The following MEIS2 variants were observed in gnomAD, a reference collection of about 807,000 sequenced individuals.
MEIS2 encodes homeobox protein Meis2.
In MEIS2, 9 loss-of-function variants were observed where a neutral mutation model predicts 58.6. The ratio of observed to expected loss-of-function variants is 0.15; its 90% CI spans 0.09 to 0.27. The LOEUF is 0.27. Among genes scored for constraint, MEIS2 ranks in the 10% least tolerant of loss-of-function variants. The pLI is 1.00. For missense variants in MEIS2, 427 were observed against 635.0 expected, an observed-to-expected ratio of 0.67 and a Z score of 3.52; for synonymous variants, 221 against 228.4, an observed-to-expected ratio of 0.97 and a Z score of 0.29.
intron 1 of MEIS2, chr15:37,098,553 GA>G: frequency 2.6e-6 from 1 of 381,614 alleles, no homozygotes; most frequent in African/African-American, 2.1e-5. Flanking sequence ...ATTTAAAAAT[GA>G]AAAAGCATGA....
chr15:36,897,073 T>A (rs1286156308), intron 9 of MEIS2: 1 of 190,756 alleles, frequency 5.2e-6, no homozygotes, highest in Non-Finnish European at 1.1e-5. Context: ...CAGCTGGTCA[T>A]AAATGGAGAC....
intron 7 of MEIS2, among the ~76,000 whole-genome samples, chr15:37,082,403 A>G (rs933343814): frequency 3.3e-5 from 5 of 151,916 alleles, no homozygotes; most frequent in African/African-American, 7.3e-5. Context: ...TGTCGCCGCA[A>G]TTTGGGGTGG....
intron 7 of MEIS2, among the ~76,000 whole-genome samples, chr15:37,072,055 C>G (rs999550418): frequency 6.6e-6 from 1 of 152,072 alleles, no homozygotes; most frequent in Admixed American, 6.6e-5. Context: ...CATGTAATGT[C>G]AGTCCTCTCC....
chr15:36,980,822 GTGCCTATAC>G lies in MEIS2; in HGVS notation c.901-30431_901-30423del, dbSNP rs577818820. Among the ~76,000 whole-genome samples the G allele has an allele frequency of 1.8e-4, 27 of 152,082 alleles. No homozygotes were observed. In the East Asian group the frequency reaches 5.0e-3, roughly 28 times the overall value. On this transcript the variant is annotated intron_variant, in intron 8 of 11. Transcript: ENST00000561208. ...ATTAATTTTATGTAAATTTTGGTATGTGCCTATACTGTCTCTTCTGTTCCACTGACAGGC... is the reference window on the plus strand; with the variant it reads ...ATTAATTTTATGTAAATTTTGGTATGTGTCTCTTCTGTTCCACTGACAGGC...
intron 9 of MEIS2, among the ~76,000 whole-genome samples, chr15:36,913,300 TA>T (rs1368432718): frequency 2.6e-5 from 4 of 152,202 alleles, no homozygotes; most frequent in Non-Finnish European, 5.9e-5. Context: ...TTTAAAAAAT[TA>T]AAAGTGAAAT....
intron 6 of MEIS2, among the ~76,000 whole-genome samples, chr15:37,088,508 C>A (rs1893156840): frequency 6.6e-6 from 1 of 152,138 alleles, no homozygotes; most frequent in Non-Finnish European, 1.5e-5. Context: ...GTACTGAAGT[C>A]TACAAAAGTT....
chr15:36,911,607 C>A (rs950687009), intron 9 of MEIS2, among the ~76,000 whole-genome samples: 2 of 152,176 alleles, frequency 1.3e-5, no homozygotes, highest in Admixed American at 1.3e-4. Flanking sequence ...AGTACAAAAT[C>A]AGCTTTTACT....
At chr15:36,933,607 G>A (rs2058059920) in intron 9 of MEIS2, among the ~76,000 whole-genome samples, 1 of 151,676 alleles carries the variant, frequency 6.6e-6, no homozygotes, top group South Asian at 2.1e-4. Context: ...TGTGTGGTGG[G>A]GGTGGGCGGG....
intron 9 of MEIS2, among the ~76,000 whole-genome samples, chr15:36,910,057 A>G (rs1467069317): frequency 6.6e-6 from 1 of 151,966 alleles, no homozygotes; most frequent in Non-Finnish European, 1.5e-5. Flanking sequence ...TTAAGAAATT[A>G]GTCAGGCATG....
intron 7 of MEIS2, among the ~76,000 whole-genome samples, chr15:37,040,014 T>C (rs978274301): frequency 1.3e-5 from 2 of 151,784 alleles, no homozygotes; most frequent in Non-Finnish European, 2.9e-5. Flanking sequence ...TTGCAGCTGA[T>C]GCTAGAGTTA....
intron 7 of MEIS2, among the ~76,000 whole-genome samples, chr15:37,080,940 A>G (rs965539692): frequency 6.6e-6 from 1 of 152,190 alleles, no homozygotes; most frequent in Admixed American, 6.5e-5. Context: ...CTGAAACACT[A>G]TGGAGGAAAA....
chr15:36,983,458 T>C (rs1001656922), intron 8 of MEIS2, among the ~76,000 whole-genome samples: 6 of 152,090 alleles, frequency 3.9e-5, no homozygotes, highest in African/African-American at 1.4e-4. Context: ...TGACTGTAAG[T>C]GCATAGATTT....
intron 8 of MEIS2, among the ~76,000 whole-genome samples, chr15:37,005,734 T>A (rs1196520129): frequency 1.3e-5 from 2 of 152,146 alleles, no homozygotes; most frequent in African/African-American, 4.8e-5. Flanking sequence ...TTTTTGTATT[T>A]TTTTTGTAGA....
chr15:36,958,914 T>C lies in MEIS2; in HGVS notation c.901-8514A>G, dbSNP rs2059086487. On this transcript the variant is annotated intron_variant, in intron 8 of 11. Coordinates refer to ENST00000561208, the MANE Select transcript of MEIS2 (RefSeq NM_170675.5). Reference sequence around the variant, plus strand: ...ACTCAATTCTACGGCCAGACTACTTTTCCAAAAAATTGAATTTTGTACTTA... The same window carrying C: ...ACTCAATTCTACGGCCAGACTACTTCTCCAAAAAATTGAATTTTGTACTTA... Among the ~76,000 whole-genome samples the C allele has an allele frequency of 3.3e-5, 5 of 152,318 alleles. No homozygotes were observed. In the South Asian group the frequency reaches 1.0e-3, roughly 32 times the overall value.
chr15:37,079,386 GTTATT>G (rs1891894018), intron 7 of MEIS2, among the ~76,000 whole-genome samples: 2 of 152,114 alleles, frequency 1.3e-5, no homozygotes, highest in East Asian at 1.9e-4. Context: ...TGTATTTAGG[GTTATT>G]TTAAAGAGAT....
Position 37,099,676 on chromosome 15 carries a change from C to T in MEIS2, c.-210G>A. 2 of 571,024 alleles carry T rather than the reference C, an allele frequency of 3.5e-6. No homozygotes were observed. Among genetic ancestry groups the T allele is most frequent in the Non-Finnish European group, 5.9e-6 (2 of 341,442 alleles). 35.4% of individuals were successfully genotyped at this position (571,024 alleles called of 1,614,324 possible). On this transcript the variant is annotated 5_prime_UTR_variant, in exon 1 of 12. Transcript: ENST00000561208. ...TTTCTGTGATATTTCTTCTTTTTCT[C>T]TTTTTTCCTCTTCTTCCTCCTCCTC...
intron 8 of MEIS2, among the ~76,000 whole-genome samples, chr15:36,981,292 T>G (rs1008162339): frequency 8.5e-5 from 13 of 152,194 alleles, no homozygotes; most frequent in Non-Finnish European, 1.8e-4. Context: ...CTCATTGTTT[T>G]GAGTAGTTTT....
chr15:37,053,537 C>A (rs1319800133), intron 7 of MEIS2, among the ~76,000 whole-genome samples: 1 of 152,114 alleles, frequency 6.6e-6, no homozygotes, highest in East Asian at 1.9e-4. Context: ...GTAATGACTT[C>A]CTCAACTATT....
At chr15:36,953,576 A>T (rs2058841372) in intron 8 of MEIS2, among the ~76,000 whole-genome samples, 1 of 152,086 alleles carries the variant, frequency 6.6e-6, no homozygotes, top group South Asian at 2.1e-4. Flanking sequence ...AATGATTAGG[A>T]TTCCCCTCAT....
Sources: gnomAD v4.1 joint callset for allele counts (sites outside exome capture counted in the v4.1 genomes callset) on GRCh38, gnomAD v4.1.1 for gene constraint, MANE v1.5 for transcripts, NCBI Gene and HGNC (gene_info 2026-07-23, HGNC 2026-07-21) for gene names.